CHLSN: variants seen among roughly 807,000 people sequenced by gnomAD.
The protein encoded by CHLSN is protein cholesin.
chr7:1,050,735 C>T, the CHLSN span, among the ~76,000 whole-genome samples: 1 of 152,248 alleles, frequency 6.6e-6, no homozygotes, highest in African/African-American at 2.4e-5. Context: ...TCTATCCTCA[C>T]GAGTACGCAT....
At chr7:1,127,441 G>GT in the CHLSN span, 1 of 1,498,242 alleles carries the variant, frequency 6.7e-7, no homozygotes, top group East Asian at 2.3e-5. Context: ...CTTAACTCAT[G>GT]TAAGATTTTT....
chr7:993,545 T>C, the CHLSN span, among the ~76,000 whole-genome samples: 1 of 151,132 alleles, frequency 6.6e-6, no homozygotes, highest in Admixed American at 6.6e-5. Flanking sequence ...GAGGCCGGGG[T>C]GGGAGGATCG....
chr7:1,001,811 T>C, the CHLSN span, among the ~76,000 whole-genome samples: 1 of 70,750 alleles, frequency 1.4e-5, no homozygotes, highest in Admixed American at 1.8e-4. Flanking sequence ...GGGTAGGGAG[T>C]CCTGTGGGTG....
At chr7:997,823 G>C in the CHLSN span, 2 of 1,599,820 alleles carry the variant, frequency 1.3e-6, no homozygotes, top group East Asian at 2.3e-5. Flanking sequence ...GAAAGAGATC[G>C]AGTTGGTCAG....
At chr7:1,111,982 T>C in the CHLSN span, among the ~76,000 whole-genome samples, 9 of 152,302 alleles carry the variant, frequency 5.9e-5, no homozygotes, top group East Asian at 1.3e-3. Context: ...CTTCCATAAA[T>C]TTCTCTGTAT....
the CHLSN span, among the ~76,000 whole-genome samples, chr7:1,008,868 C>T: frequency 0.026 from 3,910 of 149,742 alleles, 168 homozygotes; most frequent in African/African-American, 0.092. Context: ...CACGCACACA[C>T]GTGTACGCAA....
the CHLSN span, among the ~76,000 whole-genome samples, chr7:1,102,407 A>G: frequency 6.6e-6 from 1 of 152,208 alleles, no homozygotes; most frequent in Non-Finnish European, 1.5e-5. Flanking sequence ...CGGCGTCTGC[A>G]GCCACACTCA....
chr7:1,060,467 T>C, the CHLSN span, among the ~76,000 whole-genome samples: 1 of 152,072 alleles, frequency 6.6e-6, no homozygotes, highest in Non-Finnish European at 1.5e-5. Flanking sequence ...GAATTCTGAG[T>C]ATGCCCGGCC....
the CHLSN span, among the ~76,000 whole-genome samples, chr7:1,019,151 G>A: frequency 2.2e-5 from 3 of 134,900 alleles, no homozygotes; most frequent in Non-Finnish European, 4.6e-5. Context: ...CCAAGATCGC[G>A]CCATTGCACT....
At chr7:1,036,467 G>A in the CHLSN span, among the ~76,000 whole-genome samples, 1 of 151,666 alleles carries the variant, frequency 6.6e-6, no homozygotes, top group Non-Finnish European at 1.5e-5. Context: ...TGGCCGTGTA[G>A]GGTTCGGGTG....
chr7:987,436 G>A, the CHLSN span: 75 of 1,589,872 alleles, frequency 4.7e-5, no homozygotes, highest in Non-Finnish European at 6.1e-5. Context: ...CACAAGCGCC[G>A]TGCTCCACGA....
chr7:1,025,755 T>C, the CHLSN span: 4,448 of 152,330 alleles, frequency 0.029, 223 homozygotes, highest in African/African-American at 0.1. Context: ...TTTCTTGCTC[T>C]GTATTTCCCT....
At chr7:1,136,969 A>G in the CHLSN span, among the ~76,000 whole-genome samples, 1 of 152,166 alleles carries the variant, frequency 6.6e-6, no homozygotes, top group Non-Finnish European at 1.5e-5. Flanking sequence ...ATAGGTACCC[A>G]GTCCAAGCCA....
At chr7:1,134,498 T>TGGG in the CHLSN span, among the ~76,000 whole-genome samples, 1 of 151,728 alleles carries the variant, frequency 6.6e-6, no homozygotes, top group Non-Finnish European at 1.5e-5. Flanking sequence ...CACTTGAAAC[T>TGGG]ATGGAGATTA....
At chr7:1,131,324 C>T in the CHLSN span, among the ~76,000 whole-genome samples, 82 of 152,036 alleles carry the variant, frequency 5.4e-4, no homozygotes, top group Non-Finnish European at 2.5e-4. Context: ...GGTCTAAATA[C>T]CCCTCGCTGT....
the CHLSN span, among the ~76,000 whole-genome samples, chr7:982,900 G>A: frequency 6.6e-6 from 1 of 152,210 alleles, no homozygotes; most frequent in African/African-American, 2.4e-5. Flanking sequence ...TGGACTGGCA[G>A]GTTCAGCAGA....
At chr7:995,845 G>A in the CHLSN span, among the ~76,000 whole-genome samples, 1 of 152,268 alleles carries the variant, frequency 6.6e-6, no homozygotes, top group Non-Finnish European at 1.5e-5. Context: ...CTGTGTCGTG[G>A]GTGGTCAGAA....
chr7:1,064,099 C>T, the CHLSN span, among the ~76,000 whole-genome samples: 2 of 152,044 alleles, frequency 1.3e-5, no homozygotes, highest in Non-Finnish European at 2.9e-5. Flanking sequence ...CATACACACA[C>T]ACATACATGC....
chr7:1,106,491 G>C, the CHLSN span, among the ~76,000 whole-genome samples: 3 of 152,092 alleles, frequency 2.0e-5, no homozygotes, highest in Non-Finnish European at 4.4e-5. Flanking sequence ...GCAGGGGCCA[G>C]ACTCAGGCTG....
Sources: allele counts gnomAD v4.1 joint callset (sites outside exome capture counted in the v4.1 genomes callset), GRCh38; gene constraint gnomAD v4.1.1; transcripts MANE v1.5; gene names NCBI Gene and HGNC (gene_info 2026-07-23, HGNC 2026-07-21).